The following GPHN variants were observed in gnomAD, a reference collection of about 807,000 sequenced individuals.
The protein encoded by GPHN is gephyrin.
GPHN carries 17 observed loss-of-function variants against 95.5 expected under a neutral mutation model. The ratio of observed to expected loss-of-function variants is 0.18; its 90% CI spans 0.12 to 0.27. The LOEUF (loss-of-function observed/expected upper bound fraction) is 0.27, where lower values mean the gene tolerates loss of function less well. Ranked by LOEUF, GPHN falls within the 10% of genes least tolerant of loss-of-function variation. The pLI, the probability that GPHN is intolerant of heterozygous loss-of-function variation, is 1.00. For synonymous variants in GPHN, 320 were observed against 322.5 expected (o/e 0.99, Z 0.08); for missense variants, 660 against 978.1 (o/e 0.67, Z 4.34).
chr14:67,264,162 G>A, the GPHN span, among the ~76,000 whole-genome samples: 1 of 152,142 alleles, frequency 6.6e-6, no homozygotes, highest in Non-Finnish European at 1.5e-5. Context: ...TAAAATTGTA[G>A]AATGTTTATT....
chr14:66,778,900 TA>T, intron 3 of GPHN, among the ~76,000 whole-genome samples: 1 of 151,830 alleles, frequency 6.6e-6, no homozygotes, highest in East Asian at 1.9e-4. Flanking sequence ...CACACCCAGC[TA>T]ATTTTTTTTT....
At chr14:66,575,810 G>A (rs1773405970) in intron 1 of GPHN, among the ~76,000 whole-genome samples, 1 of 152,070 alleles carries the variant, frequency 6.6e-6, no homozygotes, top group Admixed American at 6.5e-5. Flanking sequence ...ACTGGGGTAG[G>A]CCTGGTGTCT....
the GPHN span, among the ~76,000 whole-genome samples, chr14:67,631,359 T>A: frequency 3.3e-5 from 5 of 152,136 alleles, no homozygotes; most frequent in Non-Finnish European, 5.9e-5. Context: ...CCACTAATCT[T>A]TCTTTATTGA....
chr14:67,215,622 T>C, the GPHN span, among the ~76,000 whole-genome samples: 3 of 152,130 alleles, frequency 2.0e-5, no homozygotes, highest in South Asian at 2.1e-4. Context: ...TGCAGAAGGA[T>C]AGAGGCAGGT....
the GPHN span, chr14:67,575,482 A>C: frequency 6.4e-7 from 1 of 1,558,984 alleles, no homozygotes; most frequent in Non-Finnish European, 8.8e-7. Context: ...GGTACTTCTC[A>C]GCCTCCTCAC....
intron 11 of GPHN, among the ~76,000 whole-genome samples, chr14:67,062,460 A>C (rs1163085755): frequency 1.3e-5 from 2 of 152,242 alleles, no homozygotes; most frequent in South Asian, 2.1e-4. Flanking sequence ...GAATCCATGC[A>C]TTTGAAGCTG....
chr14:67,276,375 T>G, the GPHN span, among the ~76,000 whole-genome samples: 1 of 152,222 alleles, frequency 6.6e-6, no homozygotes, highest in African/African-American at 2.4e-5. Flanking sequence ...CCTGTCTGCC[T>G]GGAATAGACC....
chr14:66,683,539 G>C (rs546042036), intron 2 of GPHN, among the ~76,000 whole-genome samples: 1 of 131,932 alleles, frequency 7.6e-6, no homozygotes, highest in South Asian at 2.5e-4. Context: ...TAAGCTAGGT[G>C]CCTCTTTTCT....
intron 11 of GPHN, among the ~76,000 whole-genome samples, chr14:67,062,164 G>A (rs1165069562): frequency 1.3e-5 from 2 of 152,156 alleles, no homozygotes; most frequent in Non-Finnish European, 2.9e-5. Context: ...AGAAAAAAAG[G>A]TAGAAGTTCA....
intron 4 of GPHN, among the ~76,000 whole-genome samples, chr14:66,865,748 T>C (rs1180711457): frequency 6.6e-6 from 1 of 152,192 alleles, no homozygotes; most frequent in Non-Finnish European, 1.5e-5. Context: ...GATCTGAGTT[T>C]AGGTTATTCA....
the GPHN span, chr14:67,317,337 T>G: frequency 7.9e-7 from 1 of 1,269,332 alleles, no homozygotes; most frequent in Admixed American, 2.2e-5. Context: ...ATAAATAGAG[T>G]TCTTCAATTT....
chr14:67,244,468 T>C, the GPHN span, among the ~76,000 whole-genome samples: 15 of 152,374 alleles, frequency 9.8e-5, no homozygotes, highest in South Asian at 3.1e-3. Flanking sequence ...ATATAATTGC[T>C]TCTTTTCTTT....
chr14:66,682,237 G>A (rs2066982299), intron 2 of GPHN, among the ~76,000 whole-genome samples: 1 of 152,032 alleles, frequency 6.6e-6, no homozygotes, highest in Admixed American at 6.6e-5. Context: ...TAACTCAAAA[G>A]GATTGCAAAT....
Position 66,695,804 on chromosome 14 carries a change from G to T in GPHN, c.143+14619G>T, listed in dbSNP as rs186992707. The stretch of plus-strand genomic sequence containing the variant: ...CCAGCTATATGACTTTCTGGAAAAG[G>T]CAAAACTATGAAGATAGTAAAAGAA... On this transcript the variant is annotated intron_variant, in intron 2 of 22. Transcript: ENST00000478722. Among the ~76,000 whole-genome samples, 10 of 152,302 alleles carry T rather than the reference G, an allele frequency of 6.6e-5. No homozygotes were observed. The East Asian group carries it at 1.9e-3, about 29-fold the overall frequency.
the GPHN span, among the ~76,000 whole-genome samples, chr14:67,481,218 G>A: frequency 2.6e-5 from 4 of 152,170 alleles, no homozygotes; most frequent in African/African-American, 9.7e-5. Flanking sequence ...AAGAGTTTGA[G>A]GCTACAGTGA....
chr14:66,840,122 T>C (rs1461157805), intron 4 of GPHN, among the ~76,000 whole-genome samples: 1 of 151,730 alleles, frequency 6.6e-6, no homozygotes, highest in African/African-American at 2.4e-5. Context: ...CTACTAAAAA[T>C]AGAAAAAATA....
chr14:67,338,040 CTT>C, the GPHN span: 3 of 152,218 alleles, frequency 2.0e-5, no homozygotes, highest in African/African-American at 7.2e-5. Flanking sequence ...GAGAACATGA[CTT>C]AACAGTAAAT....
chr14:67,136,144 A>C (rs1469757298), intron 17 of GPHN, among the ~76,000 whole-genome samples: 1 of 151,748 alleles, frequency 6.6e-6, no homozygotes, highest in Non-Finnish European at 1.5e-5. Flanking sequence ...TCATTCTTCC[A>C]CTCTCCAGTT....
chr14:67,431,912 A>G, the GPHN span, among the ~76,000 whole-genome samples: 1 of 152,222 alleles, frequency 6.6e-6, no homozygotes, highest in African/African-American at 2.4e-5. Flanking sequence ...TTCATTTTGC[A>G]TATTAAAATC....
Sources: gnomAD v4.1 joint callset for allele counts (sites outside exome capture counted in the v4.1 genomes callset) on GRCh38, gnomAD v4.1.1 for gene constraint, MANE v1.5 for transcripts, NCBI Gene and HGNC (gene_info 2026-07-23, HGNC 2026-07-21) for gene names.